The following CNTNAP2 variants were observed in gnomAD, a reference collection of about 807,000 sequenced individuals.
The protein encoded by CNTNAP2 is contactin associated protein 2.
A neutral mutation model predicts 155.2 loss-of-function variants in CNTNAP2; 98 were observed. The ratio of observed to expected loss-of-function variants is 0.63; its 90% CI spans 0.54 to 0.75. The LOEUF is 0.75. CNTNAP2 is among the 30% of genes least tolerant of loss of function. CNTNAP2 has a pLI of 0.00. For missense variants in CNTNAP2, 1,727 were observed against 1,688.1 expected (o/e 1.02, Z -0.40); for synonymous variants, 651 against 631.2 (o/e 1.03, Z -0.47).
intron 13 of CNTNAP2, among the ~76,000 whole-genome samples, chr7:147,817,978 T>A (rs1044174833): frequency 4.8e-4 from 73 of 151,744 alleles, no homozygotes; most frequent in African/African-American, 1.7e-3. Context: ...AATTAATGAA[T>A]CTAAATGATG....
chr7:148,181,739 C>T lies in CNTNAP2; in HGVS notation c.3010+9261C>T, dbSNP rs554111618. Among the ~76,000 whole-genome samples, 7 of 118,712 alleles carry T rather than the reference C, an allele frequency of 5.9e-5. No individual in the cohort carries two copies. In the South Asian group the frequency reaches 1.8e-3, roughly 31 times the overall value. 77.9% of individuals were successfully genotyped at this position (118,712 alleles called of 152,430 possible). Reference sequence around the variant, plus strand: ...AAATAACTTTTGTTTCAAGTGTGTGCCCTTTTTTTTTTTTTTTTTTTTTTT... The same window carrying T: ...AAATAACTTTTGTTTCAAGTGTGTGTCCTTTTTTTTTTTTTTTTTTTTTTT... On this transcript the variant is annotated intron_variant, in intron 18 of 23. Coordinates refer to ENST00000361727, the MANE Select transcript of CNTNAP2 (RefSeq NM_014141.6).
intron 1 of CNTNAP2, among the ~76,000 whole-genome samples, chr7:146,337,311 A>AAC (rs1486562193): frequency 3.3e-5 from 5 of 152,186 alleles, no homozygotes; most frequent in African/African-American, 9.6e-5. Context: ...TAAAAAAAAA[A>AAC]AAACAAACTA....
chr7:148,182,952 A>G (rs542394383), intron 18 of CNTNAP2, among the ~76,000 whole-genome samples: 45 of 152,368 alleles, frequency 3.0e-4, no homozygotes, highest in African/African-American at 1.1e-3. Flanking sequence ...ATTAAATTAA[A>G]TTATTGGCAG....
chr7:147,801,311 T>TTTTG (rs1554436488), intron 13 of CNTNAP2, among the ~76,000 whole-genome samples: 13 of 147,340 alleles, frequency 8.8e-5, no homozygotes, highest in African/African-American at 3.4e-4. Flanking sequence ...TCTATGAAGT[T>TTTTG]TTTTTTTTTT....
At chr7:147,214,748 C>T (rs944241154) in intron 8 of CNTNAP2, among the ~76,000 whole-genome samples, 3 of 152,128 alleles carry the variant, frequency 2.0e-5, no homozygotes, top group Non-Finnish European at 2.9e-5. Flanking sequence ...CCTGCCCCCA[C>T]ACATGCATAG....
chr7:147,093,255 A>AG (rs978142130), intron 4 of CNTNAP2, among the ~76,000 whole-genome samples: 1 of 150,716 alleles, frequency 6.6e-6, no homozygotes, highest in African/African-American at 2.4e-5. Context: ...AAAAAAAAAA[A>AG]AAAAGAAAAA....
At chr7:147,421,134 T>C (rs1400760474) in intron 10 of CNTNAP2, among the ~76,000 whole-genome samples, 3 of 152,208 alleles carry the variant, frequency 2.0e-5, no homozygotes, top group Non-Finnish European at 2.9e-5. Flanking sequence ...ATTAAGCTAT[T>C]ACTGTCTCAT....
At chr7:147,305,626 G>A (rs1316535088) in intron 9 of CNTNAP2, among the ~76,000 whole-genome samples, 1 of 152,132 alleles carries the variant, frequency 6.6e-6, no homozygotes, top group Non-Finnish European at 1.5e-5. Flanking sequence ...AAAAATAATG[G>A]AATGAGACAC....
intron 13 of CNTNAP2, among the ~76,000 whole-genome samples, chr7:147,793,502 G>C (rs1797850762): frequency 6.6e-6 from 1 of 152,018 alleles, no homozygotes; most frequent in East Asian, 1.9e-4. Context: ...ATAACTCTGA[G>C]AGTATATTTC....
intron 1 of CNTNAP2, among the ~76,000 whole-genome samples, chr7:146,646,317 C>T (rs550678615): frequency 6.6e-6 from 1 of 152,154 alleles, no homozygotes; most frequent in South Asian, 2.1e-4. Context: ...TGAATGCTCA[C>T]TAGTTTGTGT....
At chr7:147,824,580 A>G (rs544004125) in intron 13 of CNTNAP2, among the ~76,000 whole-genome samples, 1 of 152,272 alleles carries the variant, frequency 6.6e-6, no homozygotes, top group South Asian at 2.1e-4. Flanking sequence ...CAATATGAGT[A>G]TCAAAAAAGG....
chr7:147,607,454 T>C (rs1395515042), intron 12 of CNTNAP2, among the ~76,000 whole-genome samples: 1 of 152,100 alleles, frequency 6.6e-6, no homozygotes, highest in Non-Finnish European at 1.5e-5. Context: ...AAATAATATC[T>C]TTTGTCTCAT....
intron 13 of CNTNAP2, among the ~76,000 whole-genome samples, chr7:147,689,259 C>T (rs927637997): frequency 3.2e-4 from 49 of 151,456 alleles, no homozygotes; most frequent in African/African-American, 9.0e-4. Flanking sequence ...AAGTGATTTT[C>T]CTGTGCCAGT....
At chr7:148,261,348 T>G (rs1450585741) in intron 20 of CNTNAP2, among the ~76,000 whole-genome samples, 1 of 152,086 alleles carries the variant, frequency 6.6e-6, no homozygotes, top group East Asian at 1.9e-4. Context: ...TTAGTAGAGA[T>G]GGGGTTTCAC....
chr7:146,217,889 A>G (rs1457455931), intron 1 of CNTNAP2, among the ~76,000 whole-genome samples: 2 of 152,114 alleles, frequency 1.3e-5, no homozygotes, highest in Non-Finnish European at 2.9e-5. Flanking sequence ...TCCCCTCTTA[A>G]CTTATGGATA....
chr7:146,655,985 G>T (rs887189491), intron 1 of CNTNAP2, among the ~76,000 whole-genome samples: 1 of 152,154 alleles, frequency 6.6e-6, no homozygotes, highest in African/African-American at 2.4e-5. Flanking sequence ...CTGAAGCATA[G>T]CAAGGTCATG....
Position 147,108,207 on chromosome 7 carries a change from A to G in CNTNAP2, c.611A>G (p.Lys204Arg). 2 of 1,613,806 alleles carry G rather than the reference A, an allele frequency of 1.2e-6. No homozygotes were observed. Among genetic ancestry groups the G allele is most frequent in the Non-Finnish European group, 1.7e-6 (2 of 1,179,814 alleles). The part of the protein sequence containing the change: ...VVLPYRFRNK[K>R]MKTLKDVIAL... ...TTACCATATAGATTCAGAAACAAGA[A>G]GATGAAAACACTGAAAGATGTCATT... is the stretch of plus-strand genomic sequence containing the variant. Residue 204 changes from lysine (K) to arginine (R), a missense_variant, in exon 5 of 24, where the codon AAG (lysine) becomes AGG (arginine). Coordinates refer to ENST00000361727, the MANE Select transcript of CNTNAP2 (RefSeq NM_014141.6).
At chr7:147,085,858 C>T (rs1584829747) in intron 4 of CNTNAP2, 1 of 152,186 alleles carries the variant, frequency 6.6e-6, no homozygotes. Context: ...ATAAACATAT[C>T]ATTTGCATCT....
At chr7:148,150,410 T>A (rs936852798) in intron 17 of CNTNAP2, among the ~76,000 whole-genome samples, 1 of 151,964 alleles carries the variant, frequency 6.6e-6, no homozygotes, top group Non-Finnish European at 1.5e-5. Context: ...TAGCCAGGCA[T>A]GGTGGTGGGT....
Sources: allele counts gnomAD v4.1 joint callset (sites outside exome capture counted in the v4.1 genomes callset), GRCh38; gene constraint gnomAD v4.1.1; transcripts MANE v1.5; gene names NCBI Gene and HGNC (gene_info 2026-07-23, HGNC 2026-07-21).